Variants in UBR3 observed in about 807,000 individuals in gnomAD.
UBR3 encodes the protein ubiquitin protein ligase E3 component n-recognin 3, also known as E3 ubiquitin-protein ligase UBR3.
Under a neutral mutation model 243.2 loss-of-function variants are expected in UBR3, and 85 were observed. The observed-to-expected ratio is 0.35, with a 90% CI of 0.29 to 0.42. UBR3 has a LOEUF of 0.42. UBR3 is among the 10% of genes least tolerant of loss of function. UBR3 has a pLI of 1.00. For missense variants in UBR3, 1,686 were observed against 2,300.8 expected (o/e 0.73, Z 5.47); for synonymous variants, 748 against 799.8 (o/e 0.94, Z 1.09).
chr2:170,031,162 C>G (rs752486655), intron 31 of UBR3, among the ~76,000 whole-genome samples: 20 of 152,092 alleles, frequency 1.3e-4, no homozygotes, highest in Non-Finnish European at 2.6e-4. Flanking sequence ...AGGCTGGACT[C>G]AAACTCCTGG....
intron 33 of UBR3, among the ~76,000 whole-genome samples, chr2:170,056,497 G>A (rs920724329): frequency 2.0e-5 from 3 of 152,146 alleles, no homozygotes; most frequent in Admixed American, 6.5e-5. Flanking sequence ...TTATAGAACC[G>A]AAGAACTGAG....
intron 30 of UBR3, among the ~76,000 whole-genome samples, chr2:170,021,232 T>G (rs1248533791): frequency 6.6e-6 from 1 of 152,078 alleles, no homozygotes; most frequent in African/African-American, 2.4e-5. Flanking sequence ...AATTGGGGGG[T>G]GTGTGGATAA....
intron 1 of UBR3, among the ~76,000 whole-genome samples, chr2:169,838,148 A>G (rs1455202329): frequency 6.6e-6 from 1 of 152,160 alleles, no homozygotes; most frequent in Non-Finnish European, 1.5e-5. Flanking sequence ...ATTAAATATG[A>G]GGAGGTTGCA....
chr2:169,948,711 A>C (rs753599858), intron 22 of UBR3, among the ~76,000 whole-genome samples: 12 of 152,046 alleles, frequency 7.9e-5, no homozygotes, highest in Non-Finnish European at 1.5e-4. Flanking sequence ...GGATGTTAAA[A>C]AATAGTGTAT....
intron 1 of UBR3, among the ~76,000 whole-genome samples, chr2:169,856,705 G>A (rs561897648): frequency 6.6e-6 from 1 of 152,092 alleles, no homozygotes; most frequent in Non-Finnish European, 1.5e-5. Context: ...GGCGGCGCGC[G>A]CCTGCAATCC....
chr2:169,979,848 T>C (rs1559154004), intron 24 of UBR3, among the ~76,000 whole-genome samples: 1 of 152,216 alleles, frequency 6.6e-6, no homozygotes, highest in South Asian at 2.1e-4. Flanking sequence ...CTTAGAACTT[T>C]ATAGCAGAAA....
In UBR3 at chr2:169,932,996, G is replaced by T; in HGVS notation, c.2651G>T (p.Arg884Ile). ...AGAGATGTGCAGTCTGCAATGGACA[G>T]ATATACTGCATTGTAAGTCCATCAA... ...YRRDVQSAMD[R>I]YTAFLKQSGK... The change falls in exon 19 of 39, where the codon AGA becomes ATA. Residue 884 changes from arginine to isoleucine, a missense_variant. By Grantham distance (97) the Arg-to-Ile change is moderately conservative. This residue lies in a region of UBR3 where 346 missense variants were observed against 585.8 expected (regional missense o/e 0.59). Transcript: ENST00000272793. The T allele has an allele frequency of 6.6e-7, 1 of 1,520,716 alleles. No homozygotes were observed. The highest frequency in any genetic ancestry group is 8.8e-7 in the Non-Finnish European group (1 of 1,138,176). The allele number at this position is 1,520,716 out of a possible 1,614,324, so 94.2% of individuals were successfully genotyped here.
chr2:170,057,373 C>T (rs775809583), intron 33 of UBR3, among the ~76,000 whole-genome samples: 1 of 152,148 alleles, frequency 6.6e-6, no homozygotes, highest in African/African-American at 2.4e-5. Flanking sequence ...CCTGCCTTGG[C>T]CTCCCAAAGT....
At chr2:170,029,538 G>A (rs1574420365) in intron 31 of UBR3, 90 bp downstream of exon 31, 1 of 986,506 alleles carries the variant, frequency 1.0e-6, no homozygotes, top group Non-Finnish European at 1.4e-6. Context: ...TTCAATATAT[G>A]TGATTTTTTC....
intron 31 of UBR3, among the ~76,000 whole-genome samples, chr2:170,033,749 A>G (rs1165451765): frequency 2.6e-5 from 4 of 151,624 alleles, no homozygotes; most frequent in South Asian, 2.1e-4. Flanking sequence ...ATAAAATTCT[A>G]TATCTGAGGA....
intron 5 of UBR3, among the ~76,000 whole-genome samples, chr2:169,885,535 G>A (rs2084057935): frequency 6.6e-6 from 1 of 151,876 alleles, no homozygotes; most frequent in South Asian, 2.1e-4. Context: ...CTGACATTGT[G>A]CCACTGCACT....
chr2:169,999,936 G>T (rs1253025833), intron 26 of UBR3, among the ~76,000 whole-genome samples: 3 of 152,210 alleles, frequency 2.0e-5, no homozygotes, highest in Non-Finnish European at 4.4e-5. Flanking sequence ...AGACCAGCCT[G>T]ACCAACATGG....
At chr2:169,843,841 G>T (rs1390806212) in intron 1 of UBR3, among the ~76,000 whole-genome samples, 1 of 152,096 alleles carries the variant, frequency 6.6e-6, no homozygotes, top group African/African-American at 2.4e-5. Context: ...TCTTTATTTT[G>T]TAAGAGTTTG....
intron 20 of UBR3, among the ~76,000 whole-genome samples, chr2:169,943,651 A>G (rs1300203465): frequency 6.6e-6 from 1 of 152,180 alleles, no homozygotes; most frequent in Non-Finnish European, 1.5e-5. Context: ...ACTCATGTAG[A>G]TAATATAACT....
chr2:169,890,538 G>GAT (rs1238478825), intron 5 of UBR3, among the ~76,000 whole-genome samples: 7 of 77,596 alleles, frequency 9.0e-5, no homozygotes, highest in African/African-American at 3.1e-4. Context: ...GAGAGAGAGA[G>GAT]AGATATATAT....
intron 1 of UBR3, among the ~76,000 whole-genome samples, chr2:169,854,736 T>G (rs2082778460): frequency 6.6e-6 from 1 of 152,104 alleles, no homozygotes; most frequent in African/African-American, 2.4e-5. Flanking sequence ...TTATTTCTAA[T>G]CTGAAATGAA....
intron 30 of UBR3, among the ~76,000 whole-genome samples, chr2:170,017,128 TTGA>T (rs971702915): frequency 2.6e-5 from 4 of 151,956 alleles, no homozygotes; most frequent in Non-Finnish European, 5.9e-5. Context: ...AGGACTTAAA[TTGA>T]TGATGATTCA....
chr2:170,027,561 T>C (rs2090563136), intron 30 of UBR3, among the ~76,000 whole-genome samples: 1 of 151,724 alleles, frequency 6.6e-6, no homozygotes, highest in South Asian at 2.1e-4. Context: ...TTGATTAAAT[T>C]AGGGAAACTA....
intron 24 of UBR3, among the ~76,000 whole-genome samples, chr2:169,983,714 T>G (rs10184753): frequency 0.21 from 31,233 of 152,152 alleles, 3,584 homozygotes; most frequent in East Asian, 0.37. Context: ...TGCGGTCATT[T>G]GGCTAAGTGT....
Sources: allele counts gnomAD v4.1 joint callset (sites outside exome capture counted in the v4.1 genomes callset), GRCh38; gene constraint gnomAD v4.1.1; regional missense constraint gnomAD v4.1.1; transcripts MANE v1.5; gene names NCBI Gene and HGNC (gene_info 2026-07-23, HGNC 2026-07-21).